The following ATP6V0A1 variants were observed in gnomAD, a reference collection of about 807,000 sequenced individuals.
ATP6V0A1 encodes ATPase H+ transporting V0 subunit a1, also known as V-type proton ATPase 116 kDa subunit a 1.
In ATP6V0A1, 43 loss-of-function variants were observed where a neutral mutation model predicts 105.4. That is an observed-to-expected ratio of 0.41 (90% CI 0.32 to 0.53). The LOEUF (loss-of-function observed/expected upper bound fraction) is 0.53, where lower values mean the gene tolerates loss of function less well. ATP6V0A1 is among the 20% of genes least tolerant of loss of function. The probability of loss-of-function intolerance (pLI) is 0.30; values close to 1 mark genes in which losing one functional copy is unlikely to be tolerated. For missense variants in ATP6V0A1, 676 were observed against 1,051.1 expected, an observed-to-expected ratio of 0.64 and a Z score of 4.93; for synonymous variants, 362 against 372.8, an observed-to-expected ratio of 0.97 and a Z score of 0.33.
At chr17:42,489,862 A>G (rs2090463934) in intron 10 of ATP6V0A1, among the ~76,000 whole-genome samples, 2 of 152,168 alleles carry the variant, frequency 1.3e-5, no homozygotes, top group East Asian at 1.9e-4. Flanking sequence ...GAGAAAAAAA[A>G]GGTTGGGGTC....
intron 11 of ATP6V0A1, among the ~76,000 whole-genome samples, chr17:42,493,937 T>C (rs2090909681): frequency 6.6e-6 from 1 of 152,178 alleles, no homozygotes; most frequent in Non-Finnish European, 1.5e-5. Context: ...GTAAGTCACC[T>C]TATATTGATC....
intron 2 of ATP6V0A1, among the ~76,000 whole-genome samples, chr17:42,463,777 G>A (rs2145633398): frequency 6.6e-6 from 1 of 152,206 alleles, no homozygotes; most frequent in East Asian, 1.9e-4. Context: ...CTTAACTATT[G>A]ATAGCCTGCT....
intron 19 of ATP6V0A1, among the ~76,000 whole-genome samples, chr17:42,512,865 T>G (rs1207026170): frequency 6.6e-6 from 1 of 152,210 alleles, no homozygotes; most frequent in Admixed American, 6.5e-5. Flanking sequence ...CTCAGGAGTG[T>G]CTGAAAGCTC....
At chr17:42,462,535 T>G (rs2086547032) in intron 2 of ATP6V0A1, among the ~76,000 whole-genome samples, 1 of 152,006 alleles carries the variant, frequency 6.6e-6, no homozygotes, top group African/African-American at 2.4e-5. Context: ...TTCTCCTGCC[T>G]CAGCCTCCTG....
At chr17:42,464,496 G>A (rs1485754987) in intron 2 of ATP6V0A1, among the ~76,000 whole-genome samples, 4 of 151,466 alleles carry the variant, frequency 2.6e-5, no homozygotes, top group South Asian at 2.1e-4. Flanking sequence ...TCCGCCTCCC[G>A]GGTTCAAGCA....
chr17:42,490,000 C>T (rs2090480951), intron 10 of ATP6V0A1, among the ~76,000 whole-genome samples: 1 of 152,172 alleles, frequency 6.6e-6, no homozygotes, highest in Admixed American at 6.5e-5. Flanking sequence ...CAGGGGCGTG[C>T]ATGGGGGAGA....
At chr17:42,507,457 C>G (rs951464102) in intron 17 of ATP6V0A1, 63 bp from the exon 18 acceptor site, 1 of 1,213,188 alleles carries the variant, frequency 8.2e-7, no homozygotes, top group Non-Finnish European at 1.2e-6. Context: ...ATCGCCCTTC[C>G]CACCTCACAG....
intron 2 of ATP6V0A1, among the ~76,000 whole-genome samples, chr17:42,464,682 C>T (rs1227812010): frequency 6.6e-6 from 1 of 152,124 alleles, no homozygotes; most frequent in Non-Finnish European, 1.5e-5. Context: ...GGATTACAAG[C>T]GTGAGCCACC....
At chr17:42,469,479 C>T (rs1598720631) in intron 4 of ATP6V0A1, among the ~76,000 whole-genome samples, 1 of 151,366 alleles carries the variant, frequency 6.6e-6, no homozygotes, top group South Asian at 2.1e-4. Flanking sequence ...TACAGGCATG[C>T]ACCACTGCAC....
chr17:42,486,558 C>T (rs2090133286), intron 9 of ATP6V0A1, among the ~76,000 whole-genome samples: 1 of 152,184 alleles, frequency 6.6e-6, no homozygotes, highest in South Asian at 2.1e-4. Context: ...ATTTTTTCCT[C>T]TGATGAGAAG....
At chr17:42,464,167 GA>G (rs1232057169) in intron 2 of ATP6V0A1, among the ~76,000 whole-genome samples, 1 of 152,190 alleles carries the variant, frequency 6.6e-6, no homozygotes, top group Non-Finnish European at 1.5e-5. Context: ...AACTTTGTAA[GA>G]AACTGCCAAC....
chr17:42,499,169 T>C (rs1430245892), intron 15 of ATP6V0A1, 127 bp downstream of exon 15: 5 of 741,790 alleles, frequency 6.7e-6, no homozygotes, highest in Non-Finnish European at 1.1e-5. Context: ...AGAAGTGCTT[T>C]TCTAAAAATT....
intron 5 of ATP6V0A1, among the ~76,000 whole-genome samples, chr17:42,473,201 A>C (rs1263740214): frequency 1.3e-5 from 2 of 152,190 alleles, no homozygotes; most frequent in Non-Finnish European, 2.9e-5. Context: ...CCAGTCCCTA[A>C]TGACATCACG....
intron 17 of ATP6V0A1, among the ~76,000 whole-genome samples, chr17:42,507,127 G>T (rs112584243): frequency 1.1e-4 from 16 of 152,156 alleles, no homozygotes; most frequent in Non-Finnish European, 2.2e-4. Context: ...AAGTCTAATC[G>T]TTAGGGCCAG....
intron 16 of ATP6V0A1, 90 bp from the exon 17 acceptor site, chr17:42,501,107 G>A (rs2091630547): frequency 3.3e-6 from 4 of 1,201,724 alleles, no homozygotes; most frequent in Non-Finnish European, 4.8e-6. Flanking sequence ...AGAAAGTACT[G>A]TTGGGGGAAA....
At chr17:42,497,025 G>A (rs1293652437) in intron 14 of ATP6V0A1, among the ~76,000 whole-genome samples, 1 of 152,156 alleles carries the variant, frequency 6.6e-6, no homozygotes, top group Non-Finnish European at 1.5e-5. Flanking sequence ...GTATAAGCCA[G>A]GCACGGTGGC....
Position 42,485,185 on chromosome 17 carries a change from A to G in ATP6V0A1, c.811-1970A>G, listed in dbSNP as rs191983267. On this transcript the variant is annotated intron_variant, in intron 9 of 21. Coordinates refer to ENST00000343619, the MANE Select transcript of ATP6V0A1 (RefSeq NM_001130021.3). ...ATTTTAACTCTCAGTGACCTCCATC[A>G]TATATGACCCACCAACCTGACCTAT... 3.6e-3 allele frequency among the ~76,000 whole-genome samples: 542 copies of G among 152,176 alleles called. 7 individuals are homozygous for G. The highest frequency in any genetic ancestry group is 0.012 in the African/African-American group (507 of 41,526).
chr17:42,466,445 A>G lies in ATP6V0A1; in HGVS notation c.134A>G (p.Asn45Ser). 4 of 1,613,122 alleles carry G rather than the reference A, an allele frequency of 2.5e-6. No individual in the cohort carries two copies. The highest frequency in any genetic ancestry group is 3.4e-6 in the Non-Finnish European group (4 of 1,179,126). ...VQFRDLNPDVNVFQRKFVNEV... is the reference protein window; with the variant it reads ...VQFRDLNPDVSVFQRKFVNEV... ...ATTTTTCAGTTAAATCCAGATGTGAATGTTTTCCAACGGAAATTTGTGAAT... is the reference window on the plus strand; with the variant it reads ...ATTTTTCAGTTAAATCCAGATGTGAGTGTTTTCCAACGGAAATTTGTGAAT... The change falls in exon 3 of 22, where the codon AAT (asparagine) becomes AGT (serine). Residue 45 changes from asparagine (N) to serine (S), a missense_variant. Physicochemically the swap from Asn to Ser is conservative, Grantham distance 46. This residue lies in a region of ATP6V0A1 where 239 missense variants were observed against 388.4 expected (regional missense o/e 0.62). Transcript: ENST00000343619.
At chr17:42,483,561 C>T (rs1341917670) in intron 9 of ATP6V0A1, among the ~76,000 whole-genome samples, 7 of 152,186 alleles carry the variant, frequency 4.6e-5, no homozygotes, top group African/African-American at 1.4e-4. Context: ...GCATGTGCCA[C>T]CATGCCCGAC....
Sources: allele counts gnomAD v4.1 joint callset (sites outside exome capture counted in the v4.1 genomes callset), GRCh38; gene constraint gnomAD v4.1.1; regional missense constraint gnomAD v4.1.1; transcripts MANE v1.5; gene names NCBI Gene and HGNC (gene_info 2026-07-23, HGNC 2026-07-21).